Variants in C8orf34 observed in about 807,000 individuals in gnomAD.
The protein encoded by C8orf34 is chromosome 8 open reading frame 34, also known as uncharacterized protein C8orf34.
In C8orf34, 65 loss-of-function variants were observed where a neutral mutation model predicts 68.3. That is an observed-to-expected ratio of 0.95 (90% CI 0.78 to 1.17). The LOEUF (loss-of-function observed/expected upper bound fraction) is 1.17. Among genes scored for constraint, C8orf34 ranks in the 50% most tolerant of loss-of-function variants. The pLI, the probability that C8orf34 is intolerant of heterozygous loss-of-function variation, is 0.00. For missense variants in C8orf34, 664 were observed against 655.4 expected (o/e 1.01, Z -0.14); for synonymous variants, 244 against 241.2 (o/e 1.01, Z -0.11).
chr8:68,389,543 A>G (rs1410853896), intron 1 of C8orf34, among the ~76,000 whole-genome samples: 1 of 152,188 alleles, frequency 6.6e-6, no homozygotes, highest in African/African-American at 2.4e-5. Flanking sequence ...ACCTAAGTAT[A>G]CTTGTTATCC....
chr8:68,673,463 C>T (rs1357484240), intron 8 of C8orf34, among the ~76,000 whole-genome samples: 1 of 152,040 alleles, frequency 6.6e-6, no homozygotes, highest in Non-Finnish European at 1.5e-5. Context: ...ATGGAGGAGA[C>T]CTTGGGCCTT....
At chr8:68,579,388 T>A (rs1816997032) in intron 7 of C8orf34, among the ~76,000 whole-genome samples, 1 of 152,158 alleles carries the variant, frequency 6.6e-6, no homozygotes, top group South Asian at 2.1e-4. Context: ...CTTATTGTGA[T>A]ATAAAGAAAC....
chr8:68,344,102 C>A (rs1806184359), intron 1 of C8orf34, among the ~76,000 whole-genome samples: 1 of 152,016 alleles, frequency 6.6e-6, no homozygotes, highest in Non-Finnish European at 1.5e-5. Flanking sequence ...TTTATGTTAA[C>A]ACAAAAACTG....
At chr8:68,466,597 A>T (rs907611486) in intron 3 of C8orf34, among the ~76,000 whole-genome samples, 1 of 151,708 alleles carries the variant, frequency 6.6e-6, no homozygotes. Flanking sequence ...AAATAATTGT[A>T]TACAATGTGA....
intron 6 of C8orf34, among the ~76,000 whole-genome samples, chr8:68,523,456 C>T (rs574963919): frequency 6.6e-6 from 1 of 152,168 alleles, no homozygotes; most frequent in Non-Finnish European, 1.5e-5. Context: ...ACTCCCTTAT[C>T]TAGAAAACTC....
At chr8:68,598,170 C>T in intron 7 of C8orf34, among the ~76,000 whole-genome samples, 1 of 152,100 alleles carries the variant, frequency 6.6e-6, no homozygotes, top group East Asian at 1.9e-4. Context: ...GGAAGATGGG[C>T]CAATTTTCAT....
At chr8:68,791,097 G>T in intron 12 of C8orf34, 1 of 530,830 alleles carries the variant, frequency 1.9e-6, no homozygotes, top group Non-Finnish European at 3.3e-6. Context: ...GCAAGACAGT[G>T]TATTAGTCGG....
intron 1 of C8orf34, among the ~76,000 whole-genome samples, chr8:68,428,377 G>T (rs1025411477): frequency 6.6e-6 from 1 of 151,980 alleles, no homozygotes; most frequent in Non-Finnish European, 1.5e-5. Flanking sequence ...AAAATATATA[G>T]AGAGAGTTAC....
intron 1 of C8orf34, among the ~76,000 whole-genome samples, chr8:68,422,158 A>G (rs1810007633): frequency 6.6e-6 from 1 of 152,162 alleles, no homozygotes; most frequent in Non-Finnish European, 1.5e-5. Flanking sequence ...ATTTCAAAAC[A>G]CAATCATGTG....
At chr8:68,469,720 T>C (rs1359718062) in intron 4 of C8orf34, among the ~76,000 whole-genome samples, 2 of 152,052 alleles carry the variant, frequency 1.3e-5, no homozygotes, top group African/African-American at 2.4e-5. Flanking sequence ...CATGGAATAC[T>C]ACAGAATTTT....
chr8:68,641,048 T>C (rs1196117364), intron 8 of C8orf34, among the ~76,000 whole-genome samples: 1 of 152,238 alleles, frequency 6.6e-6, no homozygotes, highest in East Asian at 1.9e-4. Context: ...CTCCCAGTGC[T>C]GGTCTAGCAG....
At chr8:68,721,054 T>C (rs1252804097) in intron 9 of C8orf34, among the ~76,000 whole-genome samples, 1 of 151,990 alleles carries the variant, frequency 6.6e-6, no homozygotes, top group Non-Finnish European at 1.5e-5. Flanking sequence ...GCATTAAATA[T>C]AATTATGTTC....
chr8:68,784,323 C>G (rs1299657619), intron 11 of C8orf34, among the ~76,000 whole-genome samples: 1 of 152,158 alleles, frequency 6.6e-6, no homozygotes, highest in African/African-American at 2.4e-5. Flanking sequence ...AGGAGGAAGA[C>G]CACAGAGGTA....
At chr8:68,534,398 G>A (rs1458483254) in intron 7 of C8orf34, 1 of 905,436 alleles carries the variant, frequency 1.1e-6, no homozygotes, top group Non-Finnish European at 1.3e-6. Flanking sequence ...CACTTGGCTG[G>A]GGTCTGGGAA....
chr8:68,471,975 T>C (rs1812398572), intron 4 of C8orf34, among the ~76,000 whole-genome samples: 4 of 148,598 alleles, frequency 2.7e-5, no homozygotes, highest in African/African-American at 1.0e-4. Flanking sequence ...ACTCAAATAA[T>C]ACCAGGAAAG....
chr8:68,726,082 T>C (rs1206993160), intron 10 of C8orf34, among the ~76,000 whole-genome samples: 1 of 152,076 alleles, frequency 6.6e-6, no homozygotes, highest in African/African-American at 2.4e-5. Flanking sequence ...CTAATTTTTG[T>C]ATTTTTAGTA....
At chr8:68,550,676 A>G (rs1379052916) in intron 7 of C8orf34, among the ~76,000 whole-genome samples, 1 of 151,708 alleles carries the variant, frequency 6.6e-6, no homozygotes, top group Non-Finnish European at 1.5e-5. Context: ...AAATTTCCTC[A>G]ATTTTAATTG....
At chr8:68,653,650 GA>G in intron 8 of C8orf34, among the ~76,000 whole-genome samples, 1 of 152,156 alleles carries the variant, frequency 6.6e-6, no homozygotes, top group South Asian at 2.1e-4. Flanking sequence ...TCACATGGTG[GA>G]AAGACAGCTG....
intron 1 of C8orf34, among the ~76,000 whole-genome samples, chr8:68,418,891 TA>T (rs1282965169): frequency 1.3e-5 from 2 of 151,240 alleles, no homozygotes; most frequent in Non-Finnish European, 3.0e-5. Context: ...GAAGAAAACC[TA>T]GGCATTACCA....
Sources: gnomAD v4.1 joint callset for allele counts (sites outside exome capture counted in the v4.1 genomes callset) on GRCh38, gnomAD v4.1.1 for gene constraint, MANE v1.5 for transcripts, NCBI Gene and HGNC (gene_info 2026-07-23, HGNC 2026-07-21) for gene names.